TSHZ1: variants seen among roughly 807,000 people sequenced by gnomAD.
TSHZ1 encodes teashirt homolog 1.
A neutral mutation model predicts 67.1 loss-of-function variants in TSHZ1; 12 were observed. The ratio of observed to expected loss-of-function variants is 0.18; its 90% CI spans 0.11 to 0.29. The LOEUF is 0.29. Ranked by LOEUF, TSHZ1 falls within the 10% of genes least tolerant of loss-of-function variation. The pLI is 1.00. For missense variants in TSHZ1, 1,305 were observed against 1,413.9 expected, an observed-to-expected ratio of 0.92 and a Z score of 1.23; for synonymous variants, 632 against 622.4, an observed-to-expected ratio of 1.02 and a Z score of -0.23.
At position 75,276,856 on chromosome 18, in the gene TSHZ1, A is replaced by C. The variant is rs114832715; in HGVS notation, c.41-8592A>C. On this transcript the variant is annotated intron_variant, in intron 1 of 1. Coordinates refer to ENST00000580243, the MANE Select transcript of TSHZ1 (RefSeq NM_001308210.2). ...CTGAAGACCTGCGTTTGTGTTTGTCACTTTTGAACATCCATTCGTCTTTCA... is the reference window on the plus strand; with the variant it reads ...CTGAAGACCTGCGTTTGTGTTTGTCCCTTTTGAACATCCATTCGTCTTTCA... 4.8e-3 allele frequency among the ~76,000 whole-genome samples: 724 copies of C among 152,332 alleles called. 7 individuals carry two copies. The highest frequency in any genetic ancestry group is 0.017 in the African/African-American group (694 of 41,564).
rs1324259740 is a variant in TSHZ1, at chr18:75,281,103, T to G, written c.41-4345T>G. 2.0e-5 allele frequency among the ~76,000 whole-genome samples: 3 copies of G among 152,142 alleles called. No homozygotes were observed. Among genetic ancestry groups the G allele is most frequent in the African/African-American group, 7.2e-5 (3 of 41,438 alleles). ...GGGACACGCAGCTTCAGCAAAGGCT[T>G]GCACTCAGGGTTGTCGGGAGCACAG... On this transcript the variant is annotated intron_variant, in intron 1 of 1. Transcript: ENST00000580243. This position sits in a 1 kb window ranked among gnomAD's most constrained non-coding sequence, Gnocchi z 5.3.
Position 75,285,711 on chromosome 18 carries a change from T to G in TSHZ1, c.304T>G (p.Cys102Gly), listed in dbSNP as rs886054112. Residue 102 changes from cysteine (C) to glycine (G), a missense_variant, in exon 2 of 2, where the codon TGT becomes GGT. By Grantham distance (159) the Cys-to-Gly change is radical. Transcript: ENST00000580243. ...SSREEKEDPQ[C>G]PDSVSYPQDS... ...TCGAGAAGAGAAGGAGGATCCGCAGTGTCCCGACAGCGTCTCGTACCCCCA... is the reference window on the plus strand; with the variant it reads ...TCGAGAAGAGAAGGAGGATCCGCAGGGTCCCGACAGCGTCTCGTACCCCCA... 3.7e-6 allele frequency: 6 copies of G among 1,614,118 alleles called. No homozygotes were observed. The highest frequency in any genetic ancestry group is 5.1e-6 in the Non-Finnish European group (6 of 1,180,000).
In TSHZ1 at chr18:75,286,046, G is replaced by T; in HGVS notation, c.639G>T (p.Ser213=). ...CCAAGACGCTGCAGCAGACGTCCTCGTATGGGCTGCTTCCTGAGCCCAGCC... is the reference window on the plus strand; with the variant it reads ...CCAAGACGCTGCAGCAGACGTCCTCTTATGGGCTGCTTCCTGAGCCCAGCC... ...ALAKTLQQTS[S]YGLLPEPSLF... is the part of the protein sequence containing the mutation. The change falls in exon 2 of 2, where the codon TCG becomes TCT. Residue 213 remains serine (S), a synonymous_variant. Transcript: ENST00000580243. The surrounding 1 kb of genome is among the most constrained non-coding windows in gnomAD (Gnocchi z 5.1). The T allele has an allele frequency of 6.2e-7, 1 of 1,613,288 alleles. No individual in the cohort carries two copies. Among genetic ancestry groups the T allele is most frequent in the Non-Finnish European group, 8.5e-7 (1 of 1,179,786 alleles).
At chr18:75,221,651 G>A (rs1443828444) in intron 1 of TSHZ1, among the ~76,000 whole-genome samples, 1 of 152,238 alleles carries the variant, frequency 6.6e-6, no homozygotes, top group South Asian at 2.1e-4. Flanking sequence ...TACAGAATGT[G>A]TCACAGCAGT....
intron 1 of TSHZ1, among the ~76,000 whole-genome samples, chr18:75,261,884 G>C (rs2023435290): frequency 6.6e-6 from 1 of 152,198 alleles, no homozygotes; most frequent in Non-Finnish European, 1.5e-5. Context: ...CAAATAAGTA[G>C]CTACAACTCA....
intron 1 of TSHZ1, among the ~76,000 whole-genome samples, chr18:75,255,505 A>G (rs2023352280): frequency 6.6e-6 from 1 of 151,084 alleles, no homozygotes; most frequent in African/African-American, 2.4e-5. Context: ...GATATTTTAC[A>G]AGCCAATTGT....
At chr18:75,247,688 G>T (rs569647444) in intron 1 of TSHZ1, among the ~76,000 whole-genome samples, 4 of 152,166 alleles carry the variant, frequency 2.6e-5, no homozygotes, top group South Asian at 2.1e-4. Context: ...CTCCGTATTT[G>T]GTATAATTAG....
At chr18:75,258,931 A>G (rs943380207) in intron 1 of TSHZ1, among the ~76,000 whole-genome samples, 8 of 152,182 alleles carry the variant, frequency 5.3e-5, no homozygotes, top group African/African-American at 1.9e-4. Flanking sequence ...ACAGATACTT[A>G]AAAATAGTAA....
intron 1 of TSHZ1, among the ~76,000 whole-genome samples, chr18:75,214,428 A>G (rs1024647123): frequency 6.6e-6 from 1 of 152,218 alleles, no homozygotes; most frequent in African/African-American, 2.4e-5. Context: ...AGCAAATATT[A>G]TTTGTTCATT....
At chr18:75,267,553 A>G (rs1242524857) in intron 1 of TSHZ1, among the ~76,000 whole-genome samples, 1 of 152,230 alleles carries the variant, frequency 6.6e-6, no homozygotes, top group Non-Finnish European at 1.5e-5. Flanking sequence ...AGGAGGAGAC[A>G]TTAGGAGGAG....
At chr18:75,280,705 T>C (rs1254276664) in intron 1 of TSHZ1, 3 of 973,690 alleles carry the variant, frequency 3.1e-6, no homozygotes, top group East Asian at 2.3e-4. Context: ...CTTAAAGGGT[T>C]GTGAGATTAA....
chr18:75,238,043 C>T (rs918266207), intron 1 of TSHZ1, among the ~76,000 whole-genome samples: 14 of 152,232 alleles, frequency 9.2e-5, no homozygotes, highest in African/African-American at 1.4e-4. Context: ...TCAGGTGATC[C>T]GCCCACCTTG....
At chr18:75,230,966 TA>T (rs908623618) in intron 1 of TSHZ1, among the ~76,000 whole-genome samples, 1 of 152,064 alleles carries the variant, frequency 6.6e-6, no homozygotes, top group African/African-American at 2.4e-5. Flanking sequence ...ATAAGCCAGT[TA>T]AAAAAAACCT....
Position 75,288,706 on chromosome 18 carries a change from C to T in TSHZ1, c.*65C>T. 2 of 1,513,916 alleles carry T rather than the reference C, an allele frequency of 1.3e-6. No individual in the cohort carries two copies. The highest frequency in any genetic ancestry group is 1.8e-6 in the Non-Finnish European group (2 of 1,133,520). The allele number at this position is 1,513,916 out of a possible 1,614,324, so 93.8% of individuals were successfully genotyped here. A position where few individuals can be genotyped will look rare whatever the true frequency, so the allele number is the denominator to read the frequency against. On this transcript the variant is annotated 3_prime_UTR_variant, in exon 2 of 2. Transcript: ENST00000580243. This position sits in a 1 kb window ranked among gnomAD's most constrained non-coding sequence, Gnocchi z 4.9. Reference sequence around the variant, plus strand: ...CGTCGTCGAGCTGCACTAGGCCTGGCCTGAGCCTCTGAAATCAGTCTTTCC... The same window carrying T: ...CGTCGTCGAGCTGCACTAGGCCTGGTCTGAGCCTCTGAAATCAGTCTTTCC...
chr18:75,225,119 T>C (rs2022906530), intron 1 of TSHZ1, among the ~76,000 whole-genome samples: 2 of 152,154 alleles, frequency 1.3e-5, no homozygotes, highest in South Asian at 4.1e-4. Context: ...GCCATTTTCA[T>C]GTCAAGGCAC....
chr18:75,234,542 G>T (rs887756174), intron 1 of TSHZ1, among the ~76,000 whole-genome samples: 7 of 152,104 alleles, frequency 4.6e-5, no homozygotes, highest in Non-Finnish European at 8.8e-5. Context: ...GATGCTCTGG[G>T]AATAATAACT....
chr18:75,266,786 C>A lies in TSHZ1; in HGVS notation c.41-18662C>A, dbSNP rs118095424. Among the ~76,000 whole-genome samples, 538 of 152,328 alleles carry A rather than the reference C, an allele frequency of 3.5e-3. 5 individuals are homozygous for A. Among genetic ancestry groups the A allele is most frequent in the Non-Finnish European group, 5.8e-3 (392 of 68,036 alleles). Reference sequence around the variant, plus strand: ...GGACTCCCTGGGACTGTGTTCAGTGCAATTTGTAGCCTTACAAATGTCAGA... The same window carrying A: ...GGACTCCCTGGGACTGTGTTCAGTGAAATTTGTAGCCTTACAAATGTCAGA... On this transcript the variant is annotated intron_variant, in intron 1 of 1. Coordinates refer to ENST00000580243, the MANE Select transcript of TSHZ1 (RefSeq NM_001308210.2).
At chr18:75,252,704 A>T (rs2023318984) in intron 1 of TSHZ1, among the ~76,000 whole-genome samples, 1 of 152,120 alleles carries the variant, frequency 6.6e-6, no homozygotes, top group African/African-American at 2.4e-5. Context: ...CTAAATGCTA[A>T]CTTCATTGTA....
At chr18:75,242,380 C>T (rs1159079707) in intron 1 of TSHZ1, among the ~76,000 whole-genome samples, 1 of 152,162 alleles carries the variant, frequency 6.6e-6, no homozygotes, top group Non-Finnish European at 1.5e-5. Flanking sequence ...TCAGCAGCTG[C>T]AAGGAACCTA....
Sources: allele counts gnomAD v4.1 joint callset (sites outside exome capture counted in the v4.1 genomes callset), GRCh38; gene constraint gnomAD v4.1.1; non-coding constraint Gnocchi (gnomAD v3.1); transcripts MANE v1.5; gene names NCBI Gene and HGNC (gene_info 2026-07-23, HGNC 2026-07-21).